STXBP5: variants seen among roughly 807,000 people sequenced by gnomAD.
STXBP5 encodes the protein syntaxin binding protein 5, also known as syntaxin-binding protein 5.
Under a neutral mutation model 152.4 loss-of-function variants are expected in STXBP5, and 50 were observed. The ratio of observed to expected loss-of-function variants is 0.33; its 90% CI spans 0.26 to 0.42. STXBP5 has a LOEUF of 0.42. STXBP5 is among the 10% of genes least tolerant of loss of function. The pLI is 1.00. For missense variants in STXBP5, 1,167 were observed against 1,388.6 expected (o/e 0.84, Z 2.54); for synonymous variants, 492 against 494.7 (o/e 0.99, Z 0.07).
chr6:147,277,775 T>G (rs1421709898), intron 7 of STXBP5, among the ~76,000 whole-genome samples: 1 of 152,152 alleles, frequency 6.6e-6, no homozygotes, highest in Non-Finnish European at 1.5e-5. Context: ...TAGGTATTGT[T>G]TATGCTAAAA....
intron 7 of STXBP5, among the ~76,000 whole-genome samples, chr6:147,270,206 A>C (rs371354478): frequency 6.6e-6 from 1 of 151,676 alleles, no homozygotes; most frequent in Non-Finnish European, 1.5e-5. Context: ...AGACCATCCT[A>C]GCTAACATGG....
chr6:147,382,671 A>C (rs1398779168), intron 26 of STXBP5, 107 bp from the exon 27 acceptor site: 1 of 1,075,022 alleles, frequency 9.3e-7, no homozygotes, highest in African/African-American at 1.6e-5. Flanking sequence ...ATTTTATTTC[A>C]GTTGTATTAC....
At chr6:147,330,318 A>G (rs1489007954) in intron 18 of STXBP5, among the ~76,000 whole-genome samples, 1 of 152,176 alleles carries the variant, frequency 6.6e-6, no homozygotes, top group Non-Finnish European at 1.5e-5. Context: ...GATTGTGTGT[A>G]TATTAGTAGA....
At chr6:147,287,553 C>T (rs180678966) in intron 8 of STXBP5, among the ~76,000 whole-genome samples, 27 of 152,260 alleles carry the variant, frequency 1.8e-4, no homozygotes, top group East Asian at 1.4e-3. Context: ...TTTGTAACTC[C>T]TTTTTTGCAT....
chr6:147,218,656 TTTG>T (rs1049804426), intron 2 of STXBP5, among the ~76,000 whole-genome samples: 16 of 152,226 alleles, frequency 1.1e-4, no homozygotes, highest in African/African-American at 3.9e-4. Flanking sequence ...AATTTTTAAA[TTTG>T]TTGTAGAGAC....
intron 19 of STXBP5, among the ~76,000 whole-genome samples, chr6:147,336,718 G>A (rs949391609): frequency 1.2e-4 from 19 of 152,044 alleles, no homozygotes; most frequent in African/African-American, 4.1e-4. Context: ...TATGGGAAAA[G>A]AAGAAATGTA....
At chr6:147,252,097 G>T (rs1223636157) in intron 4 of STXBP5, among the ~76,000 whole-genome samples, 6 of 152,058 alleles carry the variant, frequency 3.9e-5, no homozygotes, top group African/African-American at 2.4e-5. Flanking sequence ...AAGACCAAAG[G>T]TAGATAAATC....
intron 2 of STXBP5, among the ~76,000 whole-genome samples, chr6:147,225,103 C>G (rs559104299): frequency 6.6e-6 from 1 of 152,246 alleles, no homozygotes; most frequent in African/African-American, 2.4e-5. Flanking sequence ...GAGAGGTTAA[C>G]CTTCAGTGTT....
At chr6:147,258,926 C>A (rs761694144) in intron 4 of STXBP5, among the ~76,000 whole-genome samples, 15 of 152,020 alleles carry the variant, frequency 9.9e-5, no homozygotes, top group South Asian at 6.2e-4. Context: ...TTTTTTCACT[C>A]TTCTGTTCCT....
At chr6:147,369,323 A>C (rs1262711811) in intron 25 of STXBP5, among the ~76,000 whole-genome samples, 1 of 152,082 alleles carries the variant, frequency 6.6e-6, no homozygotes, top group Non-Finnish European at 1.5e-5. Context: ...AATTTATTCA[A>C]AATGTATTAT....
intron 10 of STXBP5, among the ~76,000 whole-genome samples, 185 bp downstream of exon 10, chr6:147,310,423 AGAAT>A (rs1278815428): frequency 6.6e-6 from 1 of 152,170 alleles, no homozygotes; most frequent in African/African-American, 2.4e-5. Context: ...TCTGTTTTGA[AGAAT>A]AAAAAAACGC....
In STXBP5 at chr6:147,267,171, ATAT is replaced by A. The variant is rs757935697; in HGVS notation, c.714+9_714+11del. Reference sequence around the variant, plus strand: ...CTACAGATACACATATGATGAGGTAATATTATTTTTGCTAGTAAAAGCTATGGT... The same window carrying A: ...CTACAGATACACATATGATGAGGTAATATTTTTGCTAGTAAAAGCTATGGT... On this transcript the variant is annotated splice_donor_5th_base_variant and intron_variant, in intron 7 of 27. Transcript: ENST00000321680. 3 of 1,588,840 alleles carry A rather than the reference ATAT, an allele frequency of 1.9e-6. No individual in the cohort carries two copies. Among genetic ancestry groups the A allele is most frequent in the South Asian group, 1.2e-5 (1 of 85,944 alleles).
chr6:147,317,319 G>A (rs1006682150), intron 16 of STXBP5, among the ~76,000 whole-genome samples: 4 of 152,004 alleles, frequency 2.6e-5, no homozygotes, highest in Non-Finnish European at 4.4e-5. Context: ...AAGATAAAAC[G>A]GATAGATTTT....
chr6:147,346,692 A>G (rs1784349509), intron 21 of STXBP5, among the ~76,000 whole-genome samples: 2 of 151,946 alleles, frequency 1.3e-5, no homozygotes, highest in Non-Finnish European at 2.9e-5. Flanking sequence ...GTGAGCCAAG[A>G]TTGCACCACT....
At chr6:147,253,568 A>T (rs181999613) in intron 4 of STXBP5, among the ~76,000 whole-genome samples, 1 of 152,210 alleles carries the variant, frequency 6.6e-6, no homozygotes, top group Non-Finnish European at 1.5e-5. Context: ...GTCTCAGCCC[A>T]AAATCTCCTT....
At chr6:147,324,263 GGTTTTTTTTTTTTTT>G (rs1783096939) in intron 16 of STXBP5, among the ~76,000 whole-genome samples, 5 of 85,044 alleles carry the variant, frequency 5.9e-5, no homozygotes, top group Admixed American at 1.5e-4. Flanking sequence ...GTTTTTTTTT[GGTTTTTTTTTTTTTT>G]TTTTTTTTTT....
intron 23 of STXBP5, among the ~76,000 whole-genome samples, chr6:147,361,355 A>G (rs1301198302): frequency 2.6e-5 from 4 of 152,200 alleles, no homozygotes; most frequent in Non-Finnish European, 4.4e-5. Context: ...CCAACTTGCA[A>G]TAAATCAAAT....
chr6:147,349,532 G>A (rs544026333), intron 21 of STXBP5, among the ~76,000 whole-genome samples: 12 of 152,216 alleles, frequency 7.9e-5, no homozygotes, highest in African/African-American at 2.9e-4. Flanking sequence ...AGAAATGTTT[G>A]GGGAACATCT....
rs534803124 is a variant in STXBP5, at chr6:147,389,721, G to A, written c.*4966G>A. 6.6e-6 allele frequency: 1 copy of A among 151,736 alleles called. No homozygotes were observed. Among genetic ancestry groups the A allele is most frequent in the South Asian group, 2.1e-4 (1 of 4,818 alleles). The allele number at this position is 151,736 out of a possible 1,614,324, so 9.4% of individuals were successfully genotyped here. Reference sequence around the variant, plus strand: ...TTTATTTACTTTTGCTATTTGTTTTGTATTGTCTAAACTTTGCTTCAACTG... The same window carrying A: ...TTTATTTACTTTTGCTATTTGTTTTATATTGTCTAAACTTTGCTTCAACTG... On this transcript the variant is annotated 3_prime_UTR_variant, in exon 28 of 28. Transcript: ENST00000321680.
Sources: gnomAD v4.1 joint callset for allele counts (sites outside exome capture counted in the v4.1 genomes callset) on GRCh38, gnomAD v4.1.1 for gene constraint, MANE v1.5 for transcripts, NCBI Gene and HGNC (gene_info 2026-07-23, HGNC 2026-07-21) for gene names.